LGSN: variants seen among roughly 807,000 people sequenced by gnomAD.
LGSN encodes lengsin, lens protein with glutamine synthetase domain, also known as lengsin.
In LGSN, 21 loss-of-function variants were observed where a neutral mutation model predicts 19.5. The ratio of observed to expected loss-of-function variants is 1.07; its 90% CI spans 0.76 to 1.55. The LOEUF (loss-of-function observed/expected upper bound fraction) is 1.55. LGSN is among the 40% of genes most tolerant of loss of function. The pLI is 0.00. For synonymous variants in LGSN, 257 were observed against 215.6 expected, an observed-to-expected ratio of 1.19 and a Z score of -1.68; for missense variants, 673 against 608.5, an observed-to-expected ratio of 1.11 and a Z score of -1.12.
the LGSN span, among the ~76,000 whole-genome samples, chr6:63,335,763 T>TA: frequency 2.1e-4 from 31 of 150,364 alleles, no homozygotes; most frequent in African/African-American, 2.4e-4. Context: ...GGAAGTTTCT[T>TA]AAAAAAAAAA....
the LGSN span, among the ~76,000 whole-genome samples, chr6:63,537,028 G>C: frequency 6.6e-6 from 1 of 151,822 alleles, no homozygotes; most frequent in South Asian, 2.1e-4. Flanking sequence ...AGGTTAAATA[G>C]TTTTAAAATT....
chr6:63,479,335 C>T, the LGSN span, among the ~76,000 whole-genome samples: 2 of 150,786 alleles, frequency 1.3e-5, no homozygotes, highest in Non-Finnish European at 2.9e-5. Context: ...TCTGGCCTAT[C>T]GATGAAAATA....
Position 63,314,450 on chromosome 6 carries a change from T to G in LGSN, c.30+5464A>C, listed in dbSNP as rs116270575. On this transcript the variant is annotated intron_variant, in intron 1 of 3. Transcript: ENST00000370657. Reference sequence around the variant, plus strand: ...GCCAACCTACGGCAATTTGTTATATTAGCCCAAACTGACTGAGACAAGGAA... The same window carrying G: ...GCCAACCTACGGCAATTTGTTATATGAGCCCAAACTGACTGAGACAAGGAA... Among the ~76,000 whole-genome samples, 3 of 152,052 alleles carry G rather than the reference T, an allele frequency of 2.0e-5. No homozygotes were observed. The East Asian group carries it at 5.8e-4, about 29-fold the overall frequency.
the LGSN span, among the ~76,000 whole-genome samples, chr6:63,515,911 T>C: frequency 1.3e-5 from 2 of 152,242 alleles, no homozygotes; most frequent in South Asian, 2.1e-4. Flanking sequence ...CATCTAAATG[T>C]AATACTTTCC....
chr6:63,332,645 C>T, the LGSN span, among the ~76,000 whole-genome samples: 2 of 152,184 alleles, frequency 1.3e-5, no homozygotes, highest in East Asian at 1.9e-4. Context: ...CCGCGCTAGT[C>T]GCTTTCCACT....
the LGSN span, among the ~76,000 whole-genome samples, chr6:63,449,940 G>T: frequency 6.6e-6 from 1 of 152,088 alleles, no homozygotes; most frequent in Non-Finnish European, 1.5e-5. Context: ...CCTTTTTAGG[G>T]AATGTGTGAG....
At chr6:63,504,266 G>A in the LGSN span, among the ~76,000 whole-genome samples, 1 of 147,720 alleles carries the variant, frequency 6.8e-6, no homozygotes, top group Non-Finnish European at 1.5e-5. Context: ...TTTTGAGACA[G>A]AGTCTCGCTC....
At chr6:63,404,214 G>A in the LGSN span, among the ~76,000 whole-genome samples, 1 of 152,088 alleles carries the variant, frequency 6.6e-6, no homozygotes, top group South Asian at 2.1e-4. Context: ...AAGCCACTAA[G>A]TTTGGGGCAA....
chr6:63,316,209 A>T (rs1768844632), intron 1 of LGSN, among the ~76,000 whole-genome samples: 1 of 152,216 alleles, frequency 6.6e-6, no homozygotes, highest in East Asian at 1.9e-4. Context: ...TAGGTGGAAC[A>T]TTCATATGTG....
chr6:63,538,575 C>T, the LGSN span, among the ~76,000 whole-genome samples: 1 of 151,940 alleles, frequency 6.6e-6, no homozygotes, highest in East Asian at 1.9e-4. Flanking sequence ...TTGGTCCAAG[C>T]ATATAAAATA....
At position 63,278,613 on chromosome 6, in the gene LGSN, C is replaced by CT. The variant is rs1767169322; in HGVS notation, c.*1407_*1408insA. ...TACAGGCATGTGCCACCATGCGAGGCATTTTTTTTTTTTTTTTTGTAGAAA... is the reference window on the plus strand; with the variant it reads ...TACAGGCATGTGCCACCATGCGAGGCTATTTTTTTTTTTTTTTTTGTAGAAA... On this transcript the variant is annotated 3_prime_UTR_variant, in exon 4 of 4. Transcript: ENST00000370657. The CT allele has an allele frequency of 6.8e-6, 1 of 146,814 alleles. No homozygotes were observed. Among genetic ancestry groups the CT allele is most frequent in the African/African-American group, 2.6e-5 (1 of 38,396 alleles). The allele number at this position is 146,814 out of a possible 1,614,324, so 9.1% of individuals were successfully genotyped here.
Position 63,281,030 on chromosome 6 carries a change from G to A in LGSN, c.521C>T (p.Thr174Ile), listed in dbSNP as rs1169176547. The A allele has an allele frequency of 1.9e-6, 3 of 1,613,976 alleles. No homozygotes were observed. Among genetic ancestry groups the A allele is most frequent in the African/African-American group, 2.7e-5 (2 of 74,912 alleles). The stretch of plus-strand genomic sequence containing the variant: ...AGTCAAAAGAGGCTCACCAGTCACA[G>A]TGAAGGTATCACATATCACTCTTGC... ...RTARVICDTF[T>I]VTGEPLLTSP... Residue 174 changes from threonine (T) to isoleucine (I), a missense_variant, in exon 4 of 4, where the codon ACT becomes ATT. By Grantham distance (89) the Thr-to-Ile change is moderately conservative (BLOSUM62 -1). Transcript: ENST00000370657.
chr6:63,534,234 T>A, the LGSN span, among the ~76,000 whole-genome samples: 1 of 152,312 alleles, frequency 6.6e-6, no homozygotes, highest in Non-Finnish European at 1.5e-5. Flanking sequence ...AAAAAAGTTT[T>A]ACTTTGGACA....
chr6:63,487,678 G>A, the LGSN span, among the ~76,000 whole-genome samples: 1 of 152,000 alleles, frequency 6.6e-6, no homozygotes, highest in South Asian at 2.1e-4. Context: ...CCTGCATGGA[G>A]CCTTACAATA....
At chr6:63,485,040 T>G in the LGSN span, among the ~76,000 whole-genome samples, 5 of 152,254 alleles carry the variant, frequency 3.3e-5, no homozygotes, top group African/African-American at 9.6e-5. Context: ...TTTAGTTGTT[T>G]TTTTTTTTAC....
Position 63,285,596 on chromosome 6 carries a change from G to C in LGSN, c.321C>G (p.His107Gln), listed in dbSNP as rs1257850024. 3.7e-6 allele frequency: 6 copies of C among 1,612,334 alleles called. No individual in the cohort carries two copies. Among genetic ancestry groups the C allele is most frequent in the South Asian group, 2.2e-5 (2 of 90,796 alleles). ...ACTGTGTAAAACTCACTTGAAAAAA[G>C]TGTGCAGGGATAGTCTTAGACCTGG... ...GVSRSKTIPA[H>Q]FFQEKVSHGV... Residue 107 changes from histidine to glutamine, a missense_variant, in exon 3 of 4, where the codon CAC becomes CAG. Coordinates refer to ENST00000370657, the MANE Select transcript of LGSN (RefSeq NM_016571.3).
chr6:63,315,616 CTCTGTGTGTG>C (rs1420868504), intron 1 of LGSN, among the ~76,000 whole-genome samples: 2 of 114,690 alleles, frequency 1.7e-5, no homozygotes, highest in Non-Finnish European at 1.8e-5. Context: ...CTCTCTCTCT[CTCTGTGTGTG>C]TGTGTGTGTG....
chr6:63,281,281 G>C, intron 3 of LGSN, 61 bp from the exon 4 acceptor site: 1 of 1,138,378 alleles, frequency 8.8e-7, no homozygotes, highest in South Asian at 3.0e-5. Flanking sequence ...GTCGGGGGGC[G>C]GCGGGAAAGC....
the LGSN span, among the ~76,000 whole-genome samples, chr6:63,463,551 AT>A: frequency 6.6e-6 from 1 of 152,168 alleles, no homozygotes; most frequent in South Asian, 2.1e-4. Flanking sequence ...TACTTTATTT[AT>A]TTGCTTTTAA....
Sources: allele counts gnomAD v4.1 joint callset (sites outside exome capture counted in the v4.1 genomes callset), GRCh38; gene constraint gnomAD v4.1.1; transcripts MANE v1.5; gene names NCBI Gene and HGNC (gene_info 2026-07-23, HGNC 2026-07-21).